Variants in MAPK10 observed in about 807,000 individuals in gnomAD.
MAPK10 encodes the protein JNK3 alpha protein kinase.
Under a neutral mutation model 59.3 loss-of-function variants are expected in MAPK10, and 25 were observed. The ratio of observed to expected loss-of-function variants is 0.42; its 90% CI spans 0.31 to 0.59. The LOEUF is 0.59. Ranked by LOEUF, MAPK10 falls within the 20% of genes least tolerant of loss-of-function variation. The pLI, the probability that MAPK10 is intolerant of heterozygous loss-of-function variation, is 0.15. For missense variants in MAPK10, 351 were observed against 568.9 expected (o/e 0.62, Z 3.90); for synonymous variants, 190 against 200.5 (o/e 0.95, Z 0.44).
At chr4:86,185,636 A>G (rs1212905803) in intron 3 of MAPK10, among the ~76,000 whole-genome samples, 1 of 152,178 alleles carries the variant, frequency 6.6e-6, no homozygotes, top group African/African-American at 2.4e-5. Flanking sequence ...AGAAGCTCTT[A>G]CAATAATTTA....
intron 2 of MAPK10, among the ~76,000 whole-genome samples, chr4:86,335,898 C>T (rs1330938258): frequency 6.6e-6 from 1 of 152,142 alleles, no homozygotes; most frequent in East Asian, 1.9e-4. Flanking sequence ...CACCTCCCTC[C>T]CTTGACATGT....
At chr4:86,262,044 A>G (rs2094005068) in intron 2 of MAPK10, among the ~76,000 whole-genome samples, 2 of 152,218 alleles carry the variant, frequency 1.3e-5, no homozygotes, top group Admixed American at 1.3e-4. Context: ...AACTGCTATG[A>G]TTTGTTGCGC....
chr4:86,128,740 T>C (rs889256610), intron 4 of MAPK10, among the ~76,000 whole-genome samples: 1 of 152,050 alleles, frequency 6.6e-6, no homozygotes, highest in Non-Finnish European at 1.5e-5. Flanking sequence ...AAGAAGTAAA[T>C]TTTTTATTAT....
At chr4:86,411,368 T>C (rs1434108921) in intron 1 of MAPK10, among the ~76,000 whole-genome samples, 1 of 152,230 alleles carries the variant, frequency 6.6e-6, no homozygotes, top group Non-Finnish European at 1.5e-5. Context: ...CTGAGAAGAA[T>C]GTATACTCTG....
chr4:86,103,075 C>CTGTG (rs10681488), intron 6 of MAPK10, 111 bp downstream of exon 6: 75,548 of 490,124 alleles, frequency 0.15, 1,824 homozygotes, highest in East Asian at 0.22. Context: ...GATTTCAACT[C>CTGTG]TGTGTGTGTG....
At position 86,159,452 on chromosome 4, in the gene MAPK10, C is replaced by T. The variant is rs780943807; in HGVS notation, c.82G>A (p.Val28Met). 2 of 1,608,984 alleles carry T rather than the reference C, an allele frequency of 1.2e-6. No individual in the cohort carries two copies. The highest frequency in any genetic ancestry group is 1.7e-6 in the Non-Finnish European group (2 of 1,177,438). ...IAFCQGFDKQ[V>M]DVSYIAKHYN... is the part of the protein sequence containing the mutation. The stretch of plus-strand genomic sequence containing the variant: ...TGTTTGGCAATATATGACACATCCA[C>T]TTGTTTATCGAATCCCTGTCAAAAA... The change falls in exon 4 of 14, where the codon GTG becomes ATG. Residue 28 changes from valine (V) to methionine (M), a missense_variant. Physicochemically the swap from Val to Met is conservative, Grantham distance 21. This residue lies in a region of MAPK10 where 61 missense variants were observed against 58.4 expected (regional missense o/e 1.05). Coordinates refer to ENST00000641462, the MANE Select transcript of MAPK10 (RefSeq NM_138982.4).
chr4:86,552,285 G>A (rs978641744), intron 1 of MAPK10, among the ~76,000 whole-genome samples: 1 of 151,928 alleles, frequency 6.6e-6, no homozygotes, highest in South Asian at 2.1e-4. Context: ...GCCAGGCGTG[G>A]AGGTGCATCC....
intron 4 of MAPK10, chr4:86,107,593 G>A (rs1196569907): frequency 2.7e-6 from 3 of 1,124,438 alleles, no homozygotes; most frequent in Middle Eastern, 3.7e-4. Flanking sequence ...GAGAAGGGGG[G>A]AAGGAGTAGA....
upstream of MAPK10, among the ~76,000 whole-genome samples, chr4:86,363,551 G>A (rs577578197): frequency 4.6e-5 from 7 of 152,120 alleles, no homozygotes; most frequent in African/African-American, 1.7e-4. Context: ...ACATATTTAT[G>A]GAGAATATTG....
intron 1 of MAPK10, among the ~76,000 whole-genome samples, chr4:86,514,877 G>T (rs926237265): frequency 1.3e-5 from 2 of 152,098 alleles, no homozygotes; most frequent in Admixed American, 6.6e-5. Flanking sequence ...AGTTTTGGGG[G>T]AACAGGTAGT....
At chr4:86,071,602 C>T (rs1464661311) in intron 9 of MAPK10, among the ~76,000 whole-genome samples, 3 of 149,828 alleles carry the variant, frequency 2.0e-5, no homozygotes, top group South Asian at 2.1e-4. Context: ...GTTTCAGCTT[C>T]CTACATATGG....
intron 4 of MAPK10, among the ~76,000 whole-genome samples, chr4:86,145,128 A>AT (rs1389337807): frequency 1.3e-5 from 2 of 152,098 alleles, no homozygotes; most frequent in Non-Finnish European, 2.9e-5. Flanking sequence ...CTTTTCTAGT[A>AT]TTTTTTTCTA....
intron 1 of MAPK10, among the ~76,000 whole-genome samples, chr4:86,490,877 A>G (rs1754405061): frequency 6.6e-6 from 1 of 152,234 alleles, no homozygotes; most frequent in African/African-American, 2.4e-5. Context: ...AAGGAAAGCA[A>G]GGATGATTTA....
intron 2 of MAPK10, among the ~76,000 whole-genome samples, chr4:86,303,847 A>G (rs1206442490): frequency 1.3e-5 from 2 of 152,208 alleles, no homozygotes; most frequent in African/African-American, 4.8e-5. Flanking sequence ...ATTGCTACAG[A>G]TAAGAATCAT....
intron 4 of MAPK10, among the ~76,000 whole-genome samples, chr4:86,136,474 C>G (rs918458395): frequency 1.3e-5 from 2 of 150,298 alleles, no homozygotes; most frequent in African/African-American, 5.0e-5. Flanking sequence ...ACTTTACAGA[C>G]AAGCAAATGC....
chr4:86,125,947 G>C (rs2060008108), intron 4 of MAPK10: 1 of 152,074 alleles, frequency 6.6e-6, no homozygotes, highest in Non-Finnish European at 1.5e-5. Context: ...CTTGAGACCT[G>C]TAAAATTGAT....
rs890601964 is a variant in MAPK10 at position 86,563,145 on chromosome 4, G to A, written c.-263+30765C>T. Among the ~76,000 whole-genome samples, 4 of 152,234 alleles carry A rather than the reference G, an allele frequency of 2.6e-5. No individual in the cohort carries two copies. The South Asian group carries it at 8.3e-4, about 31-fold the overall frequency. On this transcript the variant is annotated intron_variant, in intron 1 of 4. Transcript: ENST00000502302. ...TGAATAATTACAATGAGAGGAAAAA[G>A]CAAGTGTGCATGAGAAGAGAGCAAA...
intron 1 of MAPK10, among the ~76,000 whole-genome samples, chr4:86,458,931 G>A (rs752941787): frequency 6.6e-6 from 1 of 152,134 alleles, no homozygotes; most frequent in Non-Finnish European, 1.5e-5. Context: ...TTAAACAAAA[G>A]AGCTTTTACA....
intron 2 of MAPK10, among the ~76,000 whole-genome samples, chr4:86,217,251 A>G (rs2087954098): frequency 6.6e-6 from 1 of 152,192 alleles, no homozygotes. Context: ...TGGAGCCTGA[A>G]CCTAGACACA....
Sources: gnomAD v4.1 joint callset for allele counts (sites outside exome capture counted in the v4.1 genomes callset) on GRCh38, gnomAD v4.1.1 for gene constraint, gnomAD v4.1.1 regional missense constraint, MANE v1.5 for transcripts, NCBI Gene and HGNC (gene_info 2026-07-23, HGNC 2026-07-21) for gene names.